TNPO3: variants seen among roughly 807,000 people sequenced by gnomAD.
TNPO3 encodes the protein transportin-3.
Under a neutral mutation model 122.8 loss-of-function variants are expected in TNPO3, and 65 were observed. That is an observed-to-expected ratio of 0.53 (90% confidence interval 0.43 to 0.65). TNPO3 has a LOEUF of 0.65. TNPO3 is among the 30% of genes least tolerant of loss of function. The pLI, the probability that TNPO3 is intolerant of heterozygous loss-of-function variation, is 0.00. For missense variants in TNPO3, 850 were observed against 1,136.7 expected (o/e 0.75, Z 3.63); for synonymous variants, 372 against 411.2 (o/e 0.90, Z 1.15).
Position 129,003,296 on chromosome 7 carries a change from G to GTTTTTTT in TNPO3, c.696+1719_696+1720insAAAAAAA, listed in dbSNP as rs1299743179. On this transcript the variant is annotated intron_variant, in intron 5 of 22. Transcript: ENST00000265388. ...ATATATGAAGTATTTTAATTTTTAG[G>GTTTTTTT]GTTTTTTTTTTTTTTTTTTTTTAAG... 5.6e-5 allele frequency among the ~76,000 whole-genome samples: 6 copies of GTTTTTTT among 107,734 alleles called. 3 individuals carry two copies. 70.7% of individuals were successfully genotyped at this position (107,734 alleles called of 152,430 possible).
At chr7:129,020,183 G>T (rs915719042) in intron 1 of TNPO3, among the ~76,000 whole-genome samples, 2 of 152,032 alleles carry the variant, frequency 1.3e-5, no homozygotes, top group East Asian at 3.9e-4. Flanking sequence ...GAAATAAGGG[G>T]TGCAAAGTAA....
chr7:128,985,990 ACCAG>A (rs1800101458), intron 12 of TNPO3, among the ~76,000 whole-genome samples: 1 of 152,222 alleles, frequency 6.6e-6, no homozygotes, highest in Non-Finnish European at 1.5e-5. Context: ...TCTCTGATTT[ACCAG>A]TGATAAGAAT....
At chr7:129,047,834 A>G (rs1808234678) in intron 1 of TNPO3, among the ~76,000 whole-genome samples, 2 of 152,228 alleles carry the variant, frequency 1.3e-5, no homozygotes, top group African/African-American at 4.8e-5. Context: ...TACAGTTAAA[A>G]CACGCTTTTG....
intron 19 of TNPO3, among the ~76,000 whole-genome samples, chr7:128,971,576 A>G (rs879389219): frequency 5.9e-5 from 9 of 152,216 alleles, no homozygotes; most frequent in Non-Finnish European, 1.2e-4. Context: ...GCCTAAATAG[A>G]ATGCAGAATA....
chr7:128,955,897 C>T (rs530419469), intron 22 of TNPO3, among the ~76,000 whole-genome samples: 2 of 152,160 alleles, frequency 1.3e-5, no homozygotes, highest in Non-Finnish European at 2.9e-5. Flanking sequence ...TCTGGCTCCA[C>T]GAATAACTGT....
intron 1 of TNPO3, among the ~76,000 whole-genome samples, chr7:129,020,911 C>A (rs1804414920): frequency 6.6e-6 from 1 of 152,158 alleles, no homozygotes; most frequent in Admixed American, 6.5e-5. Context: ...CCAGTGACAT[C>A]TGTAAGACCT....
chr7:129,002,425 A>G (rs1158605297), intron 5 of TNPO3, among the ~76,000 whole-genome samples: 2 of 152,218 alleles, frequency 1.3e-5, no homozygotes, highest in Non-Finnish European at 2.9e-5. Flanking sequence ...AAGAGAGTAC[A>G]GTTGAGAGGT....
Position 128,992,092 on chromosome 7 carries a change from T to A in TNPO3, c.1267-2A>T. The A allele has an allele frequency of 6.4e-7, 1 of 1,563,644 alleles. No homozygotes were observed. Among genetic ancestry groups the A allele is most frequent in the Non-Finnish European group, 8.7e-7 (1 of 1,146,804 alleles). On this transcript the variant is annotated splice_acceptor_variant, in intron 9 of 22. Coordinates refer to ENST00000265388, the MANE Select transcript of TNPO3 (RefSeq NM_012470.4). LOFTEE classifies it high-confidence loss of function. ...GCCTTCTTTCAGAGTAGAATATAAC[T>A]AGAGAAGAAGAGGTGGATTATGGAT...
chr7:128,984,813 CCTTT>C (rs1328412463), intron 12 of TNPO3, among the ~76,000 whole-genome samples: 10 of 152,302 alleles, frequency 6.6e-5, no homozygotes, highest in African/African-American at 4.8e-5. Flanking sequence ...GTTAAATTTG[CCTTT>C]CTTTCATTTT....
rs775671175 is a variant in TNPO3 at position 128,983,499 on chromosome 7, G to A, written c.1782+669C>T. 4.6e-5 allele frequency among the ~76,000 whole-genome samples: 7 copies of A among 152,116 alleles called. No individual in the cohort carries two copies. The East Asian group carries it at 5.8e-4, about 13-fold the overall frequency. On this transcript the variant is annotated intron_variant, in intron 13 of 22. Coordinates refer to ENST00000265388, the MANE Select transcript of TNPO3 (RefSeq NM_012470.4). ...ATTACTGGCATGAGCCACGACACCC[G>A]GCTGATCAAAGACTCCTTTACCAAA...
intron 13 of TNPO3, among the ~76,000 whole-genome samples, chr7:128,982,673 T>C (rs1799748961): frequency 6.6e-6 from 1 of 152,024 alleles, no homozygotes. Flanking sequence ...TTACACAATA[T>C]GTAAAAGATT....
chr7:128,975,993 CG>C, intron 16 of TNPO3, 58 bp from the exon 17 acceptor site: 4 of 1,197,254 alleles, frequency 3.3e-6, no homozygotes, highest in Non-Finnish European at 5.0e-6. Context: ...TACCAACTTA[CG>C]AAGCTGTCTC....
chr7:129,027,573 A>C (rs1805360780), intron 1 of TNPO3, among the ~76,000 whole-genome samples: 3 of 136,398 alleles, frequency 2.2e-5, no homozygotes, highest in Non-Finnish European at 3.2e-5. Context: ...AAAAAAAAAA[A>C]AAAAAAAAAA....
intron 1 of TNPO3, among the ~76,000 whole-genome samples, 178 bp from the exon 2 acceptor site, chr7:129,018,335 C>T (rs114894112): frequency 1.3e-5 from 2 of 152,236 alleles, no homozygotes; most frequent in South Asian, 2.1e-4. Flanking sequence ...AGGCCCTGTT[C>T]AACAAAATAA....
intron 4 of TNPO3, among the ~76,000 whole-genome samples, chr7:129,005,543 G>A (rs2150394162): frequency 6.6e-6 from 1 of 152,210 alleles, no homozygotes; most frequent in South Asian, 2.1e-4. Context: ...CCCCCTTGCT[G>A]TTCTTGTGAT....
intron 13 of TNPO3, among the ~76,000 whole-genome samples, chr7:128,982,974 C>T (rs573193753): frequency 1.3e-5 from 2 of 152,248 alleles, no homozygotes; most frequent in African/African-American, 4.8e-5. Context: ...TTTCCCATTA[C>T]ATTTTCTAAC....
At chr7:128,981,845 C>T (rs905687252) in intron 14 of TNPO3, among the ~76,000 whole-genome samples, 8 of 151,956 alleles carry the variant, frequency 5.3e-5, no homozygotes, top group African/African-American at 1.9e-4. Context: ...CCTCCCACCT[C>T]AGCCTCCCAA....
At chr7:128,992,760 T>C (rs1800877891) in intron 9 of TNPO3, among the ~76,000 whole-genome samples, 1 of 147,582 alleles carries the variant, frequency 6.8e-6, no homozygotes, top group African/African-American at 2.5e-5. Context: ...GAGCCTTTAA[T>C]ATACTATTTA....
chr7:128,960,402 A>C (rs1797326209), intron 21 of TNPO3, among the ~76,000 whole-genome samples: 1 of 152,142 alleles, frequency 6.6e-6, no homozygotes, highest in Non-Finnish European at 1.5e-5. Flanking sequence ...AGAAGAAGAC[A>C]TTGTTATCCT....
Sources: allele counts gnomAD v4.1 joint callset (sites outside exome capture counted in the v4.1 genomes callset), GRCh38; gene constraint gnomAD v4.1.1; transcripts MANE v1.5; gene names NCBI Gene and HGNC (gene_info 2026-07-23, HGNC 2026-07-21).